Variants in BMPR1B observed in about 807,000 individuals in gnomAD.
BMPR1B encodes bone morphogenetic protein receptor type-1B.
In BMPR1B, 12 loss-of-function variants were observed where a neutral mutation model predicts 59.1. The observed-to-expected ratio is 0.20, with a 90% CI of 0.13 to 0.33. BMPR1B has a LOEUF of 0.33. Among genes scored for constraint, BMPR1B ranks in the 10% least tolerant of loss-of-function variants. The pLI is 1.00. For synonymous variants in BMPR1B, 237 were observed against 207.3 expected, an observed-to-expected ratio of 1.14 and a Z score of -1.23; for missense variants, 550 against 610.9, an observed-to-expected ratio of 0.90 and a Z score of 1.05.
chr4:94,899,751 A>G (rs1045806841), intron 2 of BMPR1B, among the ~76,000 whole-genome samples: 5 of 152,044 alleles, frequency 3.3e-5, no homozygotes, highest in African/African-American at 4.8e-5. Context: ...AAAATTTATT[A>G]TAGCCACTGT....
At chr4:95,079,949 A>T (rs1728996248) in intron 3 of BMPR1B, among the ~76,000 whole-genome samples, 2 of 152,064 alleles carry the variant, frequency 1.3e-5, no homozygotes, top group South Asian at 4.1e-4. Flanking sequence ...TTAATGATTC[A>T]TTTCTTCTTT....
chr4:94,894,078 G>A (rs2148993099), intron 2 of BMPR1B, among the ~76,000 whole-genome samples: 1 of 152,054 alleles, frequency 6.6e-6, no homozygotes, highest in African/African-American at 2.4e-5. Flanking sequence ...TCATAAGCAG[G>A]GCACTGCTAA....
At chr4:95,111,243 A>T (rs952258667) in intron 4 of BMPR1B, among the ~76,000 whole-genome samples, 5 of 152,102 alleles carry the variant, frequency 3.3e-5, no homozygotes, top group African/African-American at 1.2e-4. Context: ...CTAATACTTT[A>T]AATAATTGTT....
intron 3 of BMPR1B, among the ~76,000 whole-genome samples, chr4:95,048,565 T>G (rs931671244): frequency 6.6e-6 from 1 of 152,208 alleles, no homozygotes; most frequent in Non-Finnish European, 1.5e-5. Flanking sequence ...TTGAACATTC[T>G]TTTCATGTGT....
chr4:95,027,992 C>T lies in BMPR1B; in HGVS notation c.-18+31858C>T, dbSNP rs753336035. On this transcript the variant is annotated intron_variant, in intron 3 of 12. Transcript: ENST00000515059. ...GAATATCATCTCTTCAGTGCAGAGG[C>T]AATAGAAAGGCAGGGCCAAAAGCAC... Among the ~76,000 whole-genome samples the T allele has an allele frequency of 2.0e-5, 3 of 152,014 alleles. No individual in the cohort carries two copies. In the South Asian group the frequency reaches 6.2e-4, roughly 31 times the overall value.
intron 1 of BMPR1B, among the ~76,000 whole-genome samples, chr4:94,830,689 A>G (rs556508445): frequency 6.6e-6 from 1 of 152,358 alleles, no homozygotes; most frequent in East Asian, 1.9e-4. Context: ...AAATACAGTC[A>G]TGTGCAATAT....
At chr4:94,960,097 C>T (rs548396624) in intron 2 of BMPR1B, among the ~76,000 whole-genome samples, 1 of 152,064 alleles carries the variant, frequency 6.6e-6, no homozygotes, top group South Asian at 2.1e-4. Context: ...GCTTTTGTCT[C>T]TTTTTACCAA....
In BMPR1B at chr4:94,834,938, CTTTG is replaced by C. The variant is rs996794058; in HGVS notation, c.-182-40889_-182-40886del. Among the ~76,000 whole-genome samples, 20 of 146,152 alleles carry C rather than the reference CTTTG, an allele frequency of 1.4e-4. 1 individual carries two copies. The highest frequency in any genetic ancestry group is 4.3e-4 in the South Asian group (2 of 4,638). On this transcript the variant is annotated intron_variant, in intron 1 of 12. Coordinates refer to ENST00000515059, the MANE Select transcript of BMPR1B (RefSeq NM_001203.3). ...TCAGAGATATCTGCAGTTTGTGTTTCTTTGTTTTTTTTTTTTTTAAATTTTGAAA... is the reference window on the plus strand; with the variant it reads ...TCAGAGATATCTGCAGTTTGTGTTTCTTTTTTTTTTTTTTAAATTTTGAAA...
chr4:94,953,781 T>A (rs1381730093), intron 2 of BMPR1B, among the ~76,000 whole-genome samples: 4 of 152,210 alleles, frequency 2.6e-5, no homozygotes, highest in African/African-American at 9.6e-5. Context: ...TCTCTGTATT[T>A]CCTAAATTTG....
chr4:94,776,909 C>T (rs1250254193), intron 1 of BMPR1B, among the ~76,000 whole-genome samples: 2 of 152,070 alleles, frequency 1.3e-5, no homozygotes, highest in Non-Finnish European at 2.9e-5. Flanking sequence ...TATCCTTTCT[C>T]CTAAATTATT....
At chr4:95,052,762 A>G (rs1363598691) in intron 3 of BMPR1B, among the ~76,000 whole-genome samples, 1 of 152,060 alleles carries the variant, frequency 6.6e-6, no homozygotes, top group African/African-American at 2.4e-5. Flanking sequence ...ATATAAATGT[A>G]TTTTTACTTA....
chr4:95,055,007 C>T (rs1433333841), intron 3 of BMPR1B, among the ~76,000 whole-genome samples: 1 of 152,068 alleles, frequency 6.6e-6, no homozygotes, highest in Admixed American at 6.6e-5. Context: ...AACTTGGCAG[C>T]CACATTTATT....
intron 10 of BMPR1B, among the ~76,000 whole-genome samples, chr4:95,142,747 A>G (rs1007171708): frequency 2.7e-5 from 4 of 150,790 alleles, no homozygotes; most frequent in African/African-American, 9.8e-5. Flanking sequence ...GACTTTCATG[A>G]GACTCTTACT....
chr4:94,995,834 G>T (rs1376884487), intron 2 of BMPR1B: 1 of 152,298 alleles, frequency 6.6e-6, no homozygotes, highest in Middle Eastern at 3.4e-3. Flanking sequence ...TATTACCACG[G>T]TGTTCAGTAA....
At chr4:94,803,599 A>G (rs750417506) in intron 1 of BMPR1B, among the ~76,000 whole-genome samples, 1 of 152,216 alleles carries the variant, frequency 6.6e-6, no homozygotes, top group African/African-American at 2.4e-5. Context: ...GTCTTTATGT[A>G]TAACTAATAA....
chr4:95,051,562 C>T (rs572381927), intron 3 of BMPR1B: 94 of 717,492 alleles, frequency 1.3e-4, no homozygotes, highest in Non-Finnish European at 1.9e-4. Flanking sequence ...TTGTCTTTCA[C>T]GGTCCTGTCT....
chr4:94,850,290 G>T (rs1370713311), intron 1 of BMPR1B, among the ~76,000 whole-genome samples: 1 of 150,650 alleles, frequency 6.6e-6, no homozygotes, highest in African/African-American at 2.5e-5. Context: ...AAAAAAAAAT[G>T]TATAGCATTG....
In BMPR1B at chr4:94,891,957, T is replaced by A. The variant is rs1010329273; in HGVS notation, c.-113+16057T>A. Among the ~76,000 whole-genome samples, 13 of 152,216 alleles carry A rather than the reference T, an allele frequency of 8.5e-5. No individual in the cohort carries two copies. The South Asian group carries it at 1.9e-3, about 22-fold the overall frequency. On this transcript the variant is annotated intron_variant, in intron 2 of 12. Coordinates refer to ENST00000515059, the MANE Select transcript of BMPR1B (RefSeq NM_001203.3). The stretch of plus-strand genomic sequence containing the variant: ...TTTTACCCTCAAGTACTTAATTTTT[T>A]AATTTACTTTAATATTAAATTGAGT...
At chr4:94,882,462 C>T (rs58414599) in intron 2 of BMPR1B, among the ~76,000 whole-genome samples, 4,524 of 152,238 alleles carry the variant, frequency 0.03, 140 homozygotes, top group African/African-American at 0.073. Context: ...TTGCCTTTCA[C>T]CTTTGGTGGT....
Sources: gnomAD v4.1 joint callset for allele counts (sites outside exome capture counted in the v4.1 genomes callset) on GRCh38, gnomAD v4.1.1 for gene constraint, MANE v1.5 for transcripts, NCBI Gene and HGNC (gene_info 2026-07-23, HGNC 2026-07-21) for gene names.